C4orf36: variants seen among roughly 807,000 people sequenced by gnomAD.
The protein encoded by C4orf36 is uncharacterized protein C4orf36.
Under a neutral mutation model 12.2 loss-of-function variants are expected in C4orf36, and 11 were observed. The ratio of observed to expected loss-of-function variants is 0.90; its 90% CI spans 0.57 to 1.49. The LOEUF (loss-of-function observed/expected upper bound fraction) is 1.49, where lower values mean the gene tolerates loss of function less well. Among genes scored for constraint, C4orf36 ranks in the 40% most tolerant of loss-of-function variants. C4orf36 has a pLI of 0.00. For missense variants in C4orf36, 137 were observed against 133.9 expected (o/e 1.02, Z -0.11); for synonymous variants, 54 against 51.3 (o/e 1.05, Z -0.22).
chr4:86,919,531 G>A, the C4orf36 span, among the ~76,000 whole-genome samples: 1 of 151,568 alleles, frequency 6.6e-6, no homozygotes, highest in Admixed American at 6.6e-5. Flanking sequence ...CACCATGTTG[G>A]CCAGGCTGGT....
upstream of C4orf36, among the ~76,000 whole-genome samples, chr4:86,893,211 T>C (rs1747496697): frequency 6.6e-6 from 1 of 152,110 alleles, no homozygotes; most frequent in South Asian, 2.1e-4. Context: ...GACGAATGAG[T>C]TCAGGGTGGT....
the C4orf36 span, among the ~76,000 whole-genome samples, chr4:86,912,154 C>T: frequency 5.9e-5 from 9 of 152,098 alleles, no homozygotes; most frequent in Non-Finnish European, 8.8e-5. Context: ...GGATTACAGG[C>T]GTGAGCCACT....
chr4:86,902,080 A>G, the C4orf36 span, among the ~76,000 whole-genome samples: 1 of 152,166 alleles, frequency 6.6e-6, no homozygotes, highest in Non-Finnish European at 1.5e-5. Flanking sequence ...TGTGTCCACA[A>G]GCCAAGGAAT....
At chr4:86,918,561 G>A in the C4orf36 span, among the ~76,000 whole-genome samples, 1 of 152,168 alleles carries the variant, frequency 6.6e-6, no homozygotes, top group Non-Finnish European at 1.5e-5. Flanking sequence ...CACTACATTG[G>A]AAGATGAGGA....
chr4:86,929,576 C>T, the C4orf36 span, among the ~76,000 whole-genome samples: 3 of 152,166 alleles, frequency 2.0e-5, no homozygotes, highest in African/African-American at 7.2e-5. Context: ...CCCAACCACA[C>T]TCAAGGAGAG....
At chr4:86,892,459 G>C (rs1397324387), upstream of C4orf36, 23 of 985,220 alleles carry the variant, frequency 2.3e-5, no homozygotes. Context: ...TCAACAAAGG[G>C]CTTTGTGGGG....
intron 4 of C4orf36, among the ~76,000 whole-genome samples, chr4:86,880,366 A>G (rs1351165125): frequency 2.0e-5 from 3 of 152,154 alleles, no homozygotes; most frequent in Non-Finnish European, 2.9e-5. Context: ...GAGGCAGAGA[A>G]TTGCTTGAGC....
At chr4:86,914,473 T>C in the C4orf36 span, 23 of 555,954 alleles carry the variant, frequency 4.1e-5, no homozygotes, top group Non-Finnish European at 7.1e-5. Flanking sequence ...CGATCTCAGC[T>C]CACTGCAACC....
chr4:86,925,663 C>T, the C4orf36 span: 2 of 151,960 alleles, frequency 1.3e-5, no homozygotes, highest in Non-Finnish European at 2.9e-5. Context: ...CAATATGATC[C>T]TTGTTCCTTC....
At chr4:86,881,395 A>G (rs1352306267) in intron 4 of C4orf36, among the ~76,000 whole-genome samples, 1 of 152,202 alleles carries the variant, frequency 6.6e-6, no homozygotes, top group Non-Finnish European at 1.5e-5. Flanking sequence ...CAATCATATC[A>G]TGGCTATCTC....
the C4orf36 span, among the ~76,000 whole-genome samples, chr4:86,916,047 T>G: frequency 6.6e-6 from 1 of 152,186 alleles, no homozygotes; most frequent in Non-Finnish European, 1.5e-5. Context: ...TTCTGTTGCT[T>G]TAAGGCACTT....
chr4:86,887,929 A>G, intron 3 of C4orf36, 36 bp from the exon 4 acceptor site: 1 of 1,612,076 alleles, frequency 6.2e-7, no homozygotes, highest in Non-Finnish European at 8.5e-7. Flanking sequence ...TCTGACATAC[A>G]TTTTTCATCA....
the C4orf36 span, among the ~76,000 whole-genome samples, chr4:86,907,896 G>C: frequency 6.6e-6 from 1 of 151,172 alleles, no homozygotes; most frequent in Non-Finnish European, 1.5e-5. Context: ...TTGACCCGAG[G>C]AGCAGAGGTT....
chr4:86,897,917 C>A, the C4orf36 span, among the ~76,000 whole-genome samples: 1 of 152,164 alleles, frequency 6.6e-6, no homozygotes, highest in Non-Finnish European at 1.5e-5. Flanking sequence ...CTCCCTCAGG[C>A]AAGCACAAAG....
chr4:86,879,732 CATT>C (rs1390563745), intron 4 of C4orf36, among the ~76,000 whole-genome samples: 1 of 152,096 alleles, frequency 6.6e-6, no homozygotes, highest in Non-Finnish European at 1.5e-5. Context: ...AACCAAAACA[CATT>C]ATTATCAAAC....
the C4orf36 span, among the ~76,000 whole-genome samples, chr4:86,926,519 C>T: frequency 2.0e-5 from 3 of 152,238 alleles, no homozygotes; most frequent in Admixed American, 2.0e-4. Context: ...CCTCCATCCC[C>T]TGTACAGCCT....
Position 86,876,453 on chromosome 4 carries a change from G to T in C4orf36, c.*3-10C>A. The stretch of plus-strand genomic sequence containing the variant: ...CAATCCGCGCTTCAGGCTGCGCAAA[G>T]GAGAGGGGGAAAATAAGATTTTATT... On this transcript the variant is annotated splice_polypyrimidine_tract_variant and intron_variant, in intron 4 of 4. Transcript: ENST00000295898. 6.2e-7 allele frequency: 1 copy of T among 1,613,516 alleles called. No individual in the cohort carries two copies.
chr4:86,881,622 T>C (rs71605688), intron 4 of C4orf36, among the ~76,000 whole-genome samples: 9,375 of 152,060 alleles, frequency 0.062, 428 homozygotes, highest in Non-Finnish European at 0.087. Flanking sequence ...AAATTAAAAA[T>C]AAGAATGCAA....
the C4orf36 span, chr4:86,914,576 T>TC: frequency 2.6e-6 from 1 of 379,012 alleles, no homozygotes; most frequent in Non-Finnish European, 4.9e-6. Context: ...CTAATTTTTG[T>TC]ATTTTTAGTA....
Sources: allele counts gnomAD v4.1 joint callset (sites outside exome capture counted in the v4.1 genomes callset), GRCh38; gene constraint gnomAD v4.1.1; transcripts MANE v1.5; gene names NCBI Gene and HGNC (gene_info 2026-07-23, HGNC 2026-07-21).